GPI: variants seen among roughly 807,000 people sequenced by gnomAD.
GPI encodes D-hexose-6-phosphate anomerase.
In GPI, 56 loss-of-function variants were observed where a neutral mutation model predicts 75.8. That is an observed-to-expected ratio of 0.74 (90% CI 0.60 to 0.92). The LOEUF (loss-of-function observed/expected upper bound fraction) is 0.92. Among genes scored for constraint, GPI ranks in the 40% least tolerant of loss-of-function variants. The pLI is 0.00. For missense variants in GPI, 638 were observed against 741.0 expected, an observed-to-expected ratio of 0.86 and a Z score of 1.61; for synonymous variants, 288 against 285.4, an observed-to-expected ratio of 1.01 and a Z score of -0.09.
In GPI at chr19:34,400,116, C is replaced by A; in HGVS notation, c.*80C>A. 1.4e-6 allele frequency: 2 copies of A among 1,448,378 alleles called. No homozygotes were observed. Among genetic ancestry groups the A allele is most frequent in the Middle Eastern group, 2.4e-4 (1 of 4,192 alleles). The allele number at this position is 1,448,378 out of a possible 1,614,324, so 89.7% of individuals were successfully genotyped here. On this transcript the variant is annotated 3_prime_UTR_variant, in exon 18 of 18. Coordinates refer to ENST00000356487, the MANE Select transcript of GPI (RefSeq NM_000175.5). Reference sequence around the variant, plus strand: ...CTCCCCGGAGCCGGCACTGCATGTTCCTGGACACCACCCAGAGCACCCTCT... The same window carrying A: ...CTCCCCGGAGCCGGCACTGCATGTTACTGGACACCACCCAGAGCACCCTCT...
intron 2 of GPI, 114 bp from the exon 3 acceptor site, chr19:34,366,669 G>T (rs1267316601): frequency 2.4e-6 from 2 of 818,410 alleles, no homozygotes; most frequent in African/African-American, 1.7e-5. Context: ...GAGGGAACCA[G>T]ACAGCAGCCG....
At chr19:34,360,215 T>C (rs2074294015), upstream of GPI, among the ~76,000 whole-genome samples, 1 of 152,112 alleles carries the variant, frequency 6.6e-6, no homozygotes, top group Non-Finnish European at 1.5e-5. Flanking sequence ...TCCTGGGGAT[T>C]CTGAGCCCTA....
At chr19:34,370,510 G>C (rs1208903727) in intron 4 of GPI, among the ~76,000 whole-genome samples, 1 of 152,100 alleles carries the variant, frequency 6.6e-6, no homozygotes, top group African/African-American at 2.4e-5. Context: ...TGTGAGGTCG[G>C]GAGTTTGAGA....
intron 1 of GPI, 123 bp from the exon 2 acceptor site, chr19:34,366,222 G>C: frequency 1.3e-6 from 1 of 751,378 alleles, no homozygotes; most frequent in Non-Finnish European, 2.5e-6. Flanking sequence ...GTGCTGGGTG[G>C]CCGCGGCCCT....
chr19:34,371,408 G>A (rs2074449921), intron 4 of GPI, among the ~76,000 whole-genome samples: 1 of 152,098 alleles, frequency 6.6e-6, no homozygotes. Flanking sequence ...TGTCATCCTG[G>A]GCACCAATAG....
chr19:34,364,982 A>C (rs994052558), upstream of GPI: 2 of 1,531,380 alleles, frequency 1.3e-6, no homozygotes, highest in Admixed American at 4.0e-5. Context: ...CCCCACTGCC[A>C]CTTCCGGGCA....
At chr19:34,366,227 G>A (rs766667908) in intron 1 of GPI, 118 bp from the exon 2 acceptor site, 16 of 766,096 alleles carry the variant, frequency 2.1e-5, no homozygotes, top group Admixed American at 7.2e-5. Flanking sequence ...GGGTGGCCGC[G>A]GCCCTTGTGG....
At position 34,366,810 on chromosome 19, in the gene GPI, CG is replaced by C. The variant is rs769026153; in HGVS notation, c.244del (p.Glu82SerfsTer32). ...LAKSRGVEAARERMFNGEKIN... is the reference protein window; with the variant it reads ...LAKSRGVEAAXERMFNGEKIN... The stretch of plus-strand genomic sequence containing the variant: ...CAAGTCCAGGGGCGTGGAGGCCGCC[CG>C]GGAGCGGATGTTCAATGGTGAGAAG... On this transcript the variant is annotated frameshift_variant, in exon 3 of 18. Transcript: ENST00000356487. LOFTEE classifies it high-confidence loss of function. 1.2e-6 allele frequency: 2 copies of C among 1,613,554 alleles called. No individual in the cohort carries two copies. The highest frequency in any genetic ancestry group is 3.3e-5 in the Admixed American group (2 of 60,016).
chr19:34,389,610 G>T lies in GPI; in HGVS notation c.805-3638G>T, dbSNP rs8191412. On this transcript the variant is annotated intron_variant, in intron 9 of 17. Transcript: ENST00000356487. ...AGAAGTCACTCAGATCATTTTCTGT[G>T]GGCCTTAATTCTGTCACGCTTGAGA... Among the ~76,000 whole-genome samples, 636 of 152,242 alleles carry T rather than the reference G, an allele frequency of 4.2e-3. 16 individuals carry two copies. The highest frequency in any genetic ancestry group is 0.039 in the Admixed American group (594 of 15,282).
At chr19:34,392,501 T>A (rs565482064) in intron 9 of GPI, 1 of 5,296 alleles carries the variant, frequency 1.9e-4, no homozygotes, top group Non-Finnish European at 3.7e-4. Context: ...AGGTAGGATC[T>A]GTCCCTGGTA....
rs2074890707 is a variant in GPI, at chr19:34,393,179, G to T, written c.805-69G>T. 8.0e-7 allele frequency: 1 copy of T among 1,248,086 alleles called. No homozygotes were observed. Among genetic ancestry groups the T allele is most frequent in the South Asian group, 1.2e-5 (1 of 83,864 alleles). 77.3% of individuals were successfully genotyped at this position (1,248,086 alleles called of 1,614,324 possible). A position where few individuals can be genotyped will look rare whatever the true frequency, so the allele number is the denominator to read the frequency against. ...CGCCCCTGTGCAAGACCAGGGACAG[G>T]GTTTCCGGCAGGAGGTGGGGGGCGG... On this transcript the variant is annotated intron_variant, in intron 9 of 17. Coordinates refer to ENST00000356487, the MANE Select transcript of GPI (RefSeq NM_000175.5). This position sits in a 1 kb window ranked among gnomAD's most constrained non-coding sequence, Gnocchi z 4.4.
chr19:34,388,873 G>A (rs1456078183), intron 9 of GPI, among the ~76,000 whole-genome samples: 1 of 152,128 alleles, frequency 6.6e-6, no homozygotes, highest in East Asian at 1.9e-4. Flanking sequence ...TGAGATGGGA[G>A]GCTGAGGCCA....
intron 9 of GPI, among the ~76,000 whole-genome samples, chr19:34,382,544 G>A (rs1012326088): frequency 5.3e-5 from 8 of 152,108 alleles, no homozygotes; most frequent in Non-Finnish European, 1.0e-4. Flanking sequence ...GCTCAGATGC[G>A]GAACACTGGT....
At chr19:34,369,887 T>G (rs897239526) in intron 4 of GPI, among the ~76,000 whole-genome samples, 29 of 152,148 alleles carry the variant, frequency 1.9e-4, no homozygotes, top group African/African-American at 7.0e-4. Context: ...GTGACACCAC[T>G]GCACTGCAGC....
chr19:34,389,093 T>TA (rs879353746), intron 9 of GPI, among the ~76,000 whole-genome samples: 236 of 147,230 alleles, frequency 1.6e-3, no homozygotes, highest in East Asian at 9.3e-3. Flanking sequence ...CCCTGTCTCT[T>TA]AAAAAAAAAA....
upstream of GPI, among the ~76,000 whole-genome samples, chr19:34,364,106 C>T (rs1307266467): frequency 2.0e-5 from 3 of 152,122 alleles, no homozygotes; most frequent in African/African-American, 7.2e-5. Context: ...TCACGGCAGC[C>T]TCTAACTCCT....
At chr19:34,385,481 T>G (rs995435659) in intron 9 of GPI, among the ~76,000 whole-genome samples, 22 of 152,264 alleles carry the variant, frequency 1.4e-4, no homozygotes, top group Middle Eastern at 3.4e-3. Context: ...GGGTGAGGTC[T>G]TTGGAGCCTG....
rs750393775 is a variant in GPI, at chr19:34,393,349, G to A, written c.865+41G>A. On this transcript the variant is annotated intron_variant, in intron 10 of 17. Coordinates refer to ENST00000356487, the MANE Select transcript of GPI (RefSeq NM_000175.5). The surrounding 1 kb of genome is among the most constrained non-coding windows in gnomAD (Gnocchi z 4.4). ...TGTCTTGCAGCCCCTGTGGGAGACAGTGTTGCAGTCTAAGGTCGGGGTAGG... is the reference window on the plus strand; with the variant it reads ...TGTCTTGCAGCCCCTGTGGGAGACAATGTTGCAGTCTAAGGTCGGGGTAGG... 6 of 1,512,892 alleles carry A rather than the reference G, an allele frequency of 4.0e-6. No individual in the cohort carries two copies. The South Asian group carries it at 6.7e-5, about 17-fold the overall frequency. 93.7% of individuals were successfully genotyped at this position (1,512,892 alleles called of 1,614,324 possible). A position where few individuals can be genotyped will look rare whatever the true frequency, so the allele number is the denominator to read the frequency against.
chr19:34,398,146 G>GCT (rs1232263466), intron 14 of GPI: 1 of 152,118 alleles, frequency 6.6e-6, no homozygotes, highest in African/African-American at 2.4e-5. Flanking sequence ...ACCCTCCTGG[G>GCT]CTCAAGCAAT....
Sources: allele counts gnomAD v4.1 joint callset (sites outside exome capture counted in the v4.1 genomes callset), GRCh38; gene constraint gnomAD v4.1.1; non-coding constraint Gnocchi (gnomAD v3.1); transcripts MANE v1.5; gene names NCBI Gene and HGNC (gene_info 2026-07-23, HGNC 2026-07-21).